Variants in SLC25A13 observed in about 807,000 individuals in gnomAD.
SLC25A13 encodes the protein solute carrier family 25 member 13.
SLC25A13 carries 70 observed loss-of-function variants against 85.5 expected under a neutral mutation model. That is an observed-to-expected ratio of 0.82 (90% CI 0.68 to 1.00). The LOEUF (loss-of-function observed/expected upper bound fraction) is 1.00, where lower values mean the gene tolerates loss of function less well. Ranked by LOEUF, SLC25A13 falls within the 50% of genes least tolerant of loss-of-function variation. The pLI is 0.00. For missense variants in SLC25A13, 765 were observed against 819.8 expected, an observed-to-expected ratio of 0.93 and a Z score of 0.82; for synonymous variants, 259 against 288.7, an observed-to-expected ratio of 0.90 and a Z score of 1.04.
At chr7:96,172,530 C>T (rs985744806) in intron 11 of SLC25A13, among the ~76,000 whole-genome samples, 6 of 151,754 alleles carry the variant, frequency 4.0e-5, no homozygotes, top group Admixed American at 1.3e-4. Context: ...TGCACTCCAG[C>T]CCGGCAATGG....
chr7:96,144,198 G>C (rs1480215813), intron 14 of SLC25A13, among the ~76,000 whole-genome samples: 1 of 152,144 alleles, frequency 6.6e-6, no homozygotes, highest in Non-Finnish European at 1.5e-5. Context: ...GAGAAGAGAG[G>C]TTCACATGAA....
chr7:96,212,559 C>A (rs1450375985), intron 4 of SLC25A13, among the ~76,000 whole-genome samples: 1 of 152,152 alleles, frequency 6.6e-6, no homozygotes, highest in Non-Finnish European at 1.5e-5. Context: ...CAAGGATTTA[C>A]TAAGAGGGAC....
intron 4 of SLC25A13, among the ~76,000 whole-genome samples, chr7:96,220,419 T>C (rs1374151340): frequency 6.6e-6 from 1 of 152,180 alleles, no homozygotes; most frequent in East Asian, 1.9e-4. Context: ...CCCCAACATA[T>C]ACCTAAACTG....
chr7:96,238,936 C>T (rs116676436), intron 3 of SLC25A13, among the ~76,000 whole-genome samples: 4,587 of 148,858 alleles, frequency 0.031, 179 homozygotes, highest in African/African-American at 0.09. Context: ...ATATAAAAGG[C>T]TTATATAAAA....
chr7:96,184,818 T>G, intron 10 of SLC25A13, 109 bp downstream of exon 10: 1 of 968,220 alleles, frequency 1.0e-6, no homozygotes, highest in Non-Finnish European at 1.7e-6. Flanking sequence ...ATAACTGGCA[T>G]TGGGAAAGAC....
At chr7:96,129,330 A>G (rs1178919481) in intron 15 of SLC25A13, among the ~76,000 whole-genome samples, 1 of 152,228 alleles carries the variant, frequency 6.6e-6, no homozygotes, top group East Asian at 1.9e-4. Context: ...TAAAGACAAC[A>G]GGATGGCAAG....
chr7:96,232,146 T>C (rs1796561610), intron 4 of SLC25A13, among the ~76,000 whole-genome samples: 1 of 152,084 alleles, frequency 6.6e-6, no homozygotes, highest in Non-Finnish European at 1.5e-5. Context: ...ATGTTCACCG[T>C]AGCACTATTC....
At chr7:96,130,363 G>GC (rs1791969347) in intron 15 of SLC25A13, among the ~76,000 whole-genome samples, 1 of 152,154 alleles carries the variant, frequency 6.6e-6, no homozygotes, top group Non-Finnish European at 1.5e-5. Context: ...CTTGGCTAAT[G>GC]TTTATTGAGC....
chr7:96,222,776 C>T (rs1796182198), intron 4 of SLC25A13, among the ~76,000 whole-genome samples: 1 of 152,118 alleles, frequency 6.6e-6, no homozygotes, highest in Non-Finnish European at 1.5e-5. Context: ...GTTAGTTACT[C>T]TACATTTACT....
intron 9 of SLC25A13, among the ~76,000 whole-genome samples, chr7:96,186,981 G>A (rs897766387): frequency 3.9e-5 from 6 of 151,910 alleles, no homozygotes; most frequent in African/African-American, 9.7e-5. Flanking sequence ...ACAGTTGATC[G>A]TTACTTTTTC....
intron 5 of SLC25A13, among the ~76,000 whole-genome samples, chr7:96,195,261 G>A (rs1203817449): frequency 1.3e-5 from 2 of 152,122 alleles, no homozygotes; most frequent in Non-Finnish European, 2.9e-5. Flanking sequence ...TTAATTATTA[G>A]GCATGTAGTT....
At chr7:96,268,552 C>T (rs1160257560) in intron 3 of SLC25A13, among the ~76,000 whole-genome samples, 1 of 152,144 alleles carries the variant, frequency 6.6e-6, no homozygotes, top group Non-Finnish European at 1.5e-5. Context: ...TCTCATCTCC[C>T]TTACGGAACT....
At chr7:96,241,533 T>G (rs563518755) in intron 3 of SLC25A13, among the ~76,000 whole-genome samples, 3 of 151,348 alleles carry the variant, frequency 2.0e-5, no homozygotes, top group African/African-American at 7.4e-5. Flanking sequence ...GTGTAGAAAA[T>G]TATTTGTTTC....
At chr7:96,281,318 G>A (rs373396804) in intron 2 of SLC25A13, among the ~76,000 whole-genome samples, 5 of 150,600 alleles carry the variant, frequency 3.3e-5, no homozygotes, top group African/African-American at 1.2e-4. Context: ...TTGAACCCGG[G>A]AGGCAGAAGT....
chr7:96,168,342 T>C (rs539728631), intron 13 of SLC25A13, among the ~76,000 whole-genome samples: 9 of 152,092 alleles, frequency 5.9e-5, no homozygotes, highest in Admixed American at 2.6e-4. Flanking sequence ...AGATGAAGGA[T>C]GGCAAACCTC....
chr7:96,297,547 T>G (rs898767232), intron 1 of SLC25A13, among the ~76,000 whole-genome samples: 1 of 152,120 alleles, frequency 6.6e-6, no homozygotes, highest in East Asian at 1.9e-4. Flanking sequence ...TTGGCCAGGC[T>G]GGTCTCAAAC....
intron 3 of SLC25A13, among the ~76,000 whole-genome samples, chr7:96,251,040 AGAG>A (rs911628931): frequency 6.6e-6 from 1 of 152,176 alleles, no homozygotes; most frequent in African/African-American, 2.4e-5. Flanking sequence ...TGTGTGGGAA[AGAG>A]GAGGAGACAA....
At chr7:96,145,527 G>T (rs1792747691) in intron 14 of SLC25A13, among the ~76,000 whole-genome samples, 1 of 152,146 alleles carries the variant, frequency 6.6e-6, no homozygotes, top group African/African-American at 2.4e-5. Flanking sequence ...ACATTATGGG[G>T]ACCAGTTATA....
chr7:96,315,639 C>T (rs1016744807), intron 1 of SLC25A13, among the ~76,000 whole-genome samples: 3 of 152,228 alleles, frequency 2.0e-5, no homozygotes, highest in African/African-American at 7.2e-5. Context: ...CCCTAAAACC[C>T]AAACAGTGGA....
Sources: allele counts gnomAD v4.1 joint callset (sites outside exome capture counted in the v4.1 genomes callset), GRCh38; gene constraint gnomAD v4.1.1; transcripts MANE v1.5; gene names NCBI Gene and HGNC (gene_info 2026-07-23, HGNC 2026-07-21).